The following ALCAM variants were observed in gnomAD, a reference collection of about 807,000 sequenced individuals.
The protein encoded by ALCAM is CD166 antigen.
Under a neutral mutation model 70.9 loss-of-function variants are expected in ALCAM, and 30 were observed. The ratio of observed to expected loss-of-function variants is 0.42; its 90% confidence interval spans 0.32 to 0.57. The LOEUF is 0.57. ALCAM is among the 20% of genes least tolerant of loss of function. ALCAM has a pLI of 0.11. For synonymous variants in ALCAM, 249 were observed against 242.5 expected (o/e 1.03, Z -0.25); for missense variants, 591 against 695.1 (o/e 0.85, Z 1.68).
At chr3:105,435,966 A>G (rs1937040031) in intron 1 of ALCAM, among the ~76,000 whole-genome samples, 1 of 152,144 alleles carries the variant, frequency 6.6e-6, no homozygotes. Flanking sequence ...GGCAAGTCTC[A>G]CAATCATGGT....
intron 1 of ALCAM, among the ~76,000 whole-genome samples, chr3:105,454,174 T>C (rs1443065557): frequency 3.9e-5 from 6 of 152,196 alleles, no homozygotes; most frequent in African/African-American, 1.4e-4. Flanking sequence ...CTAGCAGCTT[T>C]TTGACAAGTG....
At chr3:105,450,462 G>A (rs749820674) in intron 1 of ALCAM, among the ~76,000 whole-genome samples, 14 of 152,100 alleles carry the variant, frequency 9.2e-5, no homozygotes, top group Non-Finnish European at 1.6e-4. Context: ...AGCATTCTCA[G>A]AGGGATTTAA....
chr3:105,400,052 T>C (rs185185293), intron 1 of ALCAM, among the ~76,000 whole-genome samples: 1 of 152,314 alleles, frequency 6.6e-6, no homozygotes, highest in African/African-American at 2.4e-5. Flanking sequence ...AAGTTGTCCC[T>C]ACCTGTTTTT....
intron 1 of ALCAM, among the ~76,000 whole-genome samples, chr3:105,502,592 C>G (rs1216238912): frequency 4.6e-5 from 7 of 152,216 alleles, no homozygotes; most frequent in Non-Finnish European, 7.3e-5. Context: ...TGCTCAATTA[C>G]CCTTTTGTAC....
intron 1 of ALCAM, among the ~76,000 whole-genome samples, chr3:105,405,109 C>A (rs188257900): frequency 3.2e-4 from 49 of 151,942 alleles, no homozygotes; most frequent in Non-Finnish European, 5.7e-4. Context: ...GAAACCTTGT[C>A]TCTACTAAAA....
intron 1 of ALCAM, among the ~76,000 whole-genome samples, chr3:105,380,977 TG>T (rs1184118380): frequency 6.6e-6 from 1 of 151,954 alleles, no homozygotes; most frequent in Non-Finnish European, 1.5e-5. Context: ...GAGAATATGG[TG>T]TCTGTAGCCA....
At chr3:105,410,316 C>G (rs570912966) in intron 1 of ALCAM, among the ~76,000 whole-genome samples, 1 of 152,028 alleles carries the variant, frequency 6.6e-6, no homozygotes, top group South Asian at 2.1e-4. Context: ...GACAAATTGT[C>G]TTAAATTAGA....
intron 1 of ALCAM, among the ~76,000 whole-genome samples, chr3:105,488,375 A>G (rs1002684108): frequency 7.9e-5 from 12 of 152,272 alleles, no homozygotes; most frequent in Middle Eastern, 3.4e-3. Context: ...ATAAAGGCCA[A>G]TCCAGGCAGA....
rs138799574 is a variant in ALCAM at position 105,555,649 on chromosome 3, T to A, written c.1664+3064T>A. ...GATAAGAGAAACAATCTTTTATTTC[T>A]AGTAAAATTTAAGAGTACATTTGCT... On this transcript the variant is annotated intron_variant, in intron 14 of 15. Coordinates refer to ENST00000306107, the MANE Select transcript of ALCAM (RefSeq NM_001627.4). Among the ~76,000 whole-genome samples the A allele has an allele frequency of 2.1e-3, 323 of 152,168 alleles. 3 individuals carry two copies. Among genetic ancestry groups the A allele is most frequent in the African/African-American group, 7.4e-3 (306 of 41,562 alleles).
intron 1 of ALCAM, among the ~76,000 whole-genome samples, chr3:105,440,512 A>G (rs1041310913): frequency 6.6e-6 from 1 of 152,188 alleles, no homozygotes; most frequent in East Asian, 1.9e-4. Context: ...GTAATTAGAG[A>G]GTATCTCCTC....
intron 1 of ALCAM, among the ~76,000 whole-genome samples, chr3:105,393,584 G>A (rs566072954): frequency 1.3e-5 from 2 of 151,868 alleles, no homozygotes; most frequent in South Asian, 2.1e-4. Flanking sequence ...TTTTATAATG[G>A]CATATACTTA....
At chr3:105,394,235 G>A (rs550676247) in intron 1 of ALCAM, among the ~76,000 whole-genome samples, 6 of 151,922 alleles carry the variant, frequency 3.9e-5, no homozygotes, top group African/African-American at 1.2e-4. Flanking sequence ...TGTTTACTTC[G>A]CATTTTACTT....
intron 1 of ALCAM, among the ~76,000 whole-genome samples, chr3:105,449,443 A>G (rs1262851524): frequency 6.6e-6 from 1 of 152,244 alleles, no homozygotes; most frequent in Non-Finnish European, 1.5e-5. Flanking sequence ...CAAAACGAAA[A>G]GCACACAAAG....
intron 1 of ALCAM, among the ~76,000 whole-genome samples, chr3:105,369,362 G>T (rs1452221239): frequency 1.3e-5 from 2 of 152,162 alleles, no homozygotes; most frequent in East Asian, 1.9e-4. Flanking sequence ...TGTCCAGGGG[G>T]CACCGAGCTG....
intron 8 of ALCAM, 109 bp downstream of exon 8, chr3:105,541,874 T>C: frequency 7.6e-7 from 1 of 1,317,072 alleles, no homozygotes; most frequent in Non-Finnish European, 1.1e-6. Context: ...AATAACTTGG[T>C]TGCAATAGAT....
At chr3:105,542,715 G>T (rs1452984247) in intron 8 of ALCAM, among the ~76,000 whole-genome samples, 5 of 151,756 alleles carry the variant, frequency 3.3e-5, no homozygotes, top group Non-Finnish European at 7.4e-5. Flanking sequence ...AAAACATGTG[G>T]GATATGAGCT....
At chr3:105,472,123 G>T (rs1451256429) in intron 1 of ALCAM, among the ~76,000 whole-genome samples, 3 of 151,452 alleles carry the variant, frequency 2.0e-5, no homozygotes, top group Non-Finnish European at 3.0e-5. Context: ...CAAATGACAG[G>T]ATTTCCTTCT....
intron 1 of ALCAM, among the ~76,000 whole-genome samples, chr3:105,488,512 T>C (rs879890000): frequency 2.2e-4 from 34 of 152,080 alleles, no homozygotes; most frequent in Non-Finnish European, 3.5e-4. Flanking sequence ...ATAAAGACAT[T>C]TTAGAGGAAT....
intron 1 of ALCAM, among the ~76,000 whole-genome samples, chr3:105,426,986 T>G (rs953997868): frequency 2.0e-5 from 3 of 151,954 alleles, no homozygotes; most frequent in Non-Finnish European, 4.4e-5. Flanking sequence ...GAAATTCATC[T>G]GTCTTCCTCA....
Sources: gnomAD v4.1 joint callset for allele counts (sites outside exome capture counted in the v4.1 genomes callset) on GRCh38, gnomAD v4.1.1 for gene constraint, MANE v1.5 for transcripts, NCBI Gene and HGNC (gene_info 2026-07-23, HGNC 2026-07-21) for gene names.